The following UTS2 variants were observed in gnomAD, a reference collection of about 807,000 sequenced individuals.
The protein encoded by UTS2 is urotensin-2.
In UTS2, 10 loss-of-function variants were observed where a neutral mutation model predicts 12.6. The observed-to-expected ratio is 0.80, with a 90% confidence interval of 0.49 to 1.35. The LOEUF (loss-of-function observed/expected upper bound fraction) is 1.35. Among genes scored for constraint, UTS2 ranks in the 40% most tolerant of loss-of-function variants. The probability of loss-of-function intolerance (pLI) is 0.00; values close to 1 mark genes in which losing one functional copy is unlikely to be tolerated. For missense variants in UTS2, 142 were observed against 143.2 expected (o/e 0.99, Z 0.04); for synonymous variants, 52 against 50.0 (o/e 1.04, Z -0.17).
chr1:7,880,602 G>C, the UTS2 span, among the ~76,000 whole-genome samples: 1 of 152,096 alleles, frequency 6.6e-6, no homozygotes, highest in Non-Finnish European at 1.5e-5. Context: ...CAACCATCAA[G>C]ATTGAACCAG....
chr1:7,877,770 G>GA, the UTS2 span, among the ~76,000 whole-genome samples: 1 of 152,138 alleles, frequency 6.6e-6, no homozygotes, highest in African/African-American at 2.4e-5. Context: ...CTACTCAGGA[G>GA]GCTGAGGCAA....
chr1:7,882,837 A>G, the UTS2 span, among the ~76,000 whole-genome samples: 1 of 152,218 alleles, frequency 6.6e-6, no homozygotes, highest in African/African-American at 2.4e-5. Context: ...GCTGATCATC[A>G]GGGAAATGAA....
chr1:7,854,436 TG>T (rs1638259950), upstream of UTS2, among the ~76,000 whole-genome samples: 1 of 141,082 alleles, frequency 7.1e-6, no homozygotes, highest in African/African-American at 2.7e-5. Context: ...CACTTGAGCC[TG>T]GGAAGTTGAG....
chr1:7,904,235 G>A, the UTS2 span, among the ~76,000 whole-genome samples: 2 of 151,728 alleles, frequency 1.3e-5, no homozygotes. Flanking sequence ...GAGGCCCAAG[G>A]CGGAAGGATA....
At chr1:7,859,444 G>A in the UTS2 span, among the ~76,000 whole-genome samples, 1 of 152,180 alleles carries the variant, frequency 6.6e-6, no homozygotes, top group African/African-American at 2.4e-5. Context: ...AGAATGGTGG[G>A]GACTTCACAG....
At chr1:7,893,022 G>A in the UTS2 span, among the ~76,000 whole-genome samples, 1 of 152,214 alleles carries the variant, frequency 6.6e-6, no homozygotes, top group Admixed American at 6.5e-5. Flanking sequence ...TCAGAGAAGA[G>A]GCTATGCTTT....
At chr1:7,884,360 G>A in the UTS2 span, among the ~76,000 whole-genome samples, 13 of 146,718 alleles carry the variant, frequency 8.9e-5, no homozygotes, top group East Asian at 4.1e-4. Context: ...GGAGTGCAGC[G>A]GTGTGATCAT....
the UTS2 span, among the ~76,000 whole-genome samples, chr1:7,907,237 C>T: frequency 1.3e-5 from 2 of 152,048 alleles, no homozygotes; most frequent in African/African-American, 4.8e-5. Flanking sequence ...GCCTGGGTGA[C>T]GAGAGACTGT....
At chr1:7,875,536 G>T in the UTS2 span, among the ~76,000 whole-genome samples, 14 of 152,038 alleles carry the variant, frequency 9.2e-5, no homozygotes, top group African/African-American at 2.4e-5. Flanking sequence ...TCATCCAGGG[G>T]CTGGGAGATT....
At chr1:7,891,450 G>A in the UTS2 span, among the ~76,000 whole-genome samples, 5,491 of 151,434 alleles carry the variant, frequency 0.036, 274 homozygotes, top group African/African-American at 0.11. Context: ...CCCTTGAACC[G>A]GGGAGGCTGA....
chr1:7,871,650 T>C, the UTS2 span, among the ~76,000 whole-genome samples: 30 of 152,200 alleles, frequency 2.0e-4, no homozygotes, highest in African/African-American at 4.1e-4. Context: ...TCCAGCGGCA[T>C]GTGCTCACTT....
chr1:7,890,365 C>T, the UTS2 span, among the ~76,000 whole-genome samples: 1 of 152,102 alleles, frequency 6.6e-6, no homozygotes, highest in Non-Finnish European at 1.5e-5. Flanking sequence ...TGCCTACCCT[C>T]TCCCTAAGGG....
chr1:7,850,388 T>C (rs1365870922), intron 2 of UTS2, among the ~76,000 whole-genome samples: 7 of 152,226 alleles, frequency 4.6e-5, no homozygotes, highest in African/African-American at 1.7e-4. Flanking sequence ...TCGAGCATTT[T>C]ACTTGCCTTG....
At chr1:7,867,210 C>CA in the UTS2 span, among the ~76,000 whole-genome samples, 1 of 151,650 alleles carries the variant, frequency 6.6e-6, no homozygotes, top group Non-Finnish European at 1.5e-5. Flanking sequence ...ATTCCGGTTG[C>CA]AAAAAAAGGG....
chr1:7,883,841 T>C, the UTS2 span, among the ~76,000 whole-genome samples: 1 of 147,660 alleles, frequency 6.8e-6, no homozygotes, highest in Non-Finnish European at 1.5e-5. Context: ...AGCAATAAAA[T>C]ATTCTTTTTT....
the UTS2 span, among the ~76,000 whole-genome samples, chr1:7,869,138 T>G: frequency 6.6e-6 from 1 of 152,198 alleles, no homozygotes; most frequent in African/African-American, 2.4e-5. Flanking sequence ...ACACCCCTTT[T>G]TCAGATGGCA....
chr1:7,850,754 G>T, intron 2 of UTS2, 58 bp downstream of exon 2: 1 of 1,542,210 alleles, frequency 6.5e-7, no homozygotes, highest in Non-Finnish European at 9.0e-7. Context: ...GATGAGGACA[G>T]ACGGTAAGTT....
At chr1:7,888,769 C>A in the UTS2 span, among the ~76,000 whole-genome samples, 2 of 152,178 alleles carry the variant, frequency 1.3e-5, no homozygotes, top group Non-Finnish European at 1.5e-5. Context: ...TTGAGTCAAC[C>A]AAGAACAATT....
At chr1:7,861,827 T>C in the UTS2 span, among the ~76,000 whole-genome samples, 12 of 152,154 alleles carry the variant, frequency 7.9e-5, 1 homozygote, top group Non-Finnish European at 1.8e-4. Context: ...ACTCTGTTCA[T>C]ATTTCTACTT....
Sources: allele counts gnomAD v4.1 joint callset (sites outside exome capture counted in the v4.1 genomes callset), GRCh38; gene constraint gnomAD v4.1.1; transcripts MANE v1.5; gene names NCBI Gene and HGNC (gene_info 2026-07-23, HGNC 2026-07-21).